The following LUC7L2 variants were observed in gnomAD, a reference collection of about 807,000 sequenced individuals.
The protein encoded by LUC7L2 is LUC7 like 2, pre-mRNA splicing factor, also known as putative RNA-binding protein Luc7-like 2.
A neutral mutation model predicts 52.8 loss-of-function variants in LUC7L2; 25 were observed. That is an observed-to-expected ratio of 0.47 (90% confidence interval 0.34 to 0.66). The LOEUF is 0.66. LUC7L2 is among the 30% of genes least tolerant of loss of function. The pLI, the probability that LUC7L2 is intolerant of heterozygous loss-of-function variation, is 0.01. For synonymous variants in LUC7L2, 144 were observed against 160.9 expected (o/e 0.89, Z 0.80); for missense variants, 328 against 497.8 (o/e 0.66, Z 3.25).
intron 2 of LUC7L2, among the ~76,000 whole-genome samples, chr7:139,397,439 T>A (rs560902282): frequency 1.5e-4 from 23 of 152,216 alleles, no homozygotes; most frequent in Non-Finnish European, 3.2e-4. Flanking sequence ...GTAAGCTCCA[T>A]GAAGTCAGAC....
chr7:139,402,176 C>T lies in LUC7L2; in HGVS notation c.295C>T (p.Arg99Cys), dbSNP rs1443837151. The T allele has an allele frequency of 1.9e-6, 3 of 1,608,330 alleles. No homozygotes were observed. The highest frequency in any genetic ancestry group is 2.5e-6 in the Non-Finnish European group (3 of 1,177,852). Residue 99 changes from arginine to cysteine, a missense_variant, in exon 4 of 10, where the codon CGT becomes TGT. Transcript: ENST00000354926. ...GCAGTCATTCATTGCAGATTGTGAT[C>T]GTAGAACAGAAGTGGCCAAGAAAAG... ...HLQSFIADCD[R>C]RTEVAKKRLA... is the part of the protein sequence containing the mutation.
At chr7:139,410,077 G>A (rs1795289706) in intron 7 of LUC7L2, among the ~76,000 whole-genome samples, 1 of 152,070 alleles carries the variant, frequency 6.6e-6, no homozygotes, top group Non-Finnish European at 1.5e-5. Flanking sequence ...CGAGGTGGCG[G>A]GCGCCTGTAG....
At chr7:139,375,059 A>T in intron 1 of LUC7L2, 1 of 983,690 alleles carries the variant, frequency 1.0e-6, no homozygotes, top group Non-Finnish European at 1.2e-6. Context: ...AGGCTAAAAT[A>T]AAACACCTAC....
At chr7:139,363,182 G>C in intron 1 of LUC7L2, 1 of 985,162 alleles carries the variant, frequency 1.0e-6, no homozygotes, top group Non-Finnish European at 1.2e-6. Context: ...CTAGGGCCCT[G>C]GTGGTGGCAA....
chr7:139,402,622 G>A (rs1216692989), intron 4 of LUC7L2, among the ~76,000 whole-genome samples: 1 of 152,134 alleles, frequency 6.6e-6, no homozygotes, highest in Non-Finnish European at 1.5e-5. Context: ...TGCCTTCTGG[G>A]CTCAAGTCTC....
In LUC7L2 at chr7:139,353,682, A is replaced by T. The variant is rs190679211; in HGVS notation, c.-26+13165A>T. On this transcript the variant is annotated intron_variant, in intron 1 of 10. Transcript: ENST00000541170. ...GTGGCAGGCTCCTGTAGTCCCAGCT[A>T]CTCAGAAGGCCGAGGCAGGAGAATC... Among the ~76,000 whole-genome samples the T allele has an allele frequency of 3.3e-4, 50 of 152,232 alleles. No homozygotes were observed. The East Asian group carries it at 5.8e-3, about 18-fold the overall frequency.
Position 139,412,185 on chromosome 7 carries a change from A to G in LUC7L2, c.780-366A>G, listed in dbSNP as rs773228533. 2.7e-4 allele frequency among the ~76,000 whole-genome samples: 41 copies of G among 151,964 alleles called. 1 individual carries two copies. Among genetic ancestry groups the G allele is most frequent in the Non-Finnish European group, 4.4e-4 (30 of 67,968 alleles). On this transcript the variant is annotated intron_variant, in intron 7 of 9. Coordinates refer to ENST00000354926, the MANE Select transcript of LUC7L2 (RefSeq NM_016019.5). ...TGGATCATTTGCATCCAGGAGTTCA[A>G]GACCACCCTAGGCAACAAAAAATGT...
chr7:139,351,130 A>G (rs937637798), intron 1 of LUC7L2, among the ~76,000 whole-genome samples: 16 of 152,088 alleles, frequency 1.1e-4, no homozygotes, highest in African/African-American at 3.4e-4. Context: ...CATGACTTCA[A>G]TTATTCTCAA....
At chr7:139,407,133 G>C in intron 5 of LUC7L2, 41 bp from the exon 6 acceptor site, 1 of 1,518,828 alleles carries the variant, frequency 6.6e-7, no homozygotes, top group Non-Finnish European at 8.9e-7. Flanking sequence ...ATGACTTTTA[G>C]TGAGATTTAT....
chr7:139,371,173 T>C lies in LUC7L2; in HGVS notation c.62-4889T>C, dbSNP rs184921279. ...ACATGGGAGTGTCTCCATTGCTTTG[T>C]ATGCTGTTGCATTCTCCTCCCTCCT... On this transcript the variant is annotated intron_variant, in intron 1 of 9. Transcript: ENST00000354926. Among the ~76,000 whole-genome samples, 16 of 152,318 alleles carry C rather than the reference T, an allele frequency of 1.1e-4. No individual in the cohort carries two copies. The East Asian group carries it at 3.1e-3, about 29-fold the overall frequency.
At chr7:139,401,440 A>T (rs527852216) in intron 3 of LUC7L2, among the ~76,000 whole-genome samples, 1 of 152,194 alleles carries the variant, frequency 6.6e-6, no homozygotes, top group East Asian at 1.9e-4. Flanking sequence ...ATGAATCCTG[A>T]ACATTTCTTC....
intron 2 of LUC7L2, among the ~76,000 whole-genome samples, chr7:139,391,040 A>AT (rs1379630540): frequency 6.6e-6 from 1 of 152,028 alleles, no homozygotes; most frequent in African/African-American, 2.4e-5. Flanking sequence ...TATTGTTTGA[A>AT]TTTTTTTCAC....
At chr7:139,350,593 A>G (rs1434929173) in intron 1 of LUC7L2, among the ~76,000 whole-genome samples, 2 of 151,080 alleles carry the variant, frequency 1.3e-5, no homozygotes, top group African/African-American at 4.9e-5. Flanking sequence ...GATCTTAGTT[A>G]TTTTTTATCT....
At chr7:139,342,523 T>A (rs1393645089) in intron 1 of LUC7L2, among the ~76,000 whole-genome samples, 1 of 152,136 alleles carries the variant, frequency 6.6e-6, no homozygotes, top group African/African-American at 2.4e-5. Context: ...GTAAGTGTAA[T>A]GGGAAGCCAT....
At chr7:139,357,587 T>C (rs777334459), upstream of LUC7L2, among the ~76,000 whole-genome samples, 5 of 152,188 alleles carry the variant, frequency 3.3e-5, no homozygotes, top group African/African-American at 1.2e-4. Context: ...TTATTATAAA[T>C]CAGTTCCCAA....
chr7:139,385,647 A>G (rs1447516668), intron 2 of LUC7L2, among the ~76,000 whole-genome samples: 2 of 152,200 alleles, frequency 1.3e-5, no homozygotes, highest in Non-Finnish European at 2.9e-5. Flanking sequence ...AATTAAAGAA[A>G]GTAGTAAAAA....
chr7:139,384,751 AT>A (rs1321792921), intron 2 of LUC7L2, among the ~76,000 whole-genome samples: 3 of 151,240 alleles, frequency 2.0e-5, no homozygotes, highest in Admixed American at 6.6e-5. Context: ...CTGAATAATA[AT>A]TTTTTTTAAG....
chr7:139,395,599 A>G (rs1794625208), intron 2 of LUC7L2, among the ~76,000 whole-genome samples: 1 of 152,170 alleles, frequency 6.6e-6, no homozygotes, highest in Non-Finnish European at 1.5e-5. Flanking sequence ...CCATTATATA[A>G]TTAAGAACTG....
At position 139,417,656 on chromosome 7, in the gene LUC7L2, C is replaced by T. The variant is rs753016350; in HGVS notation, c.928C>T (p.Arg310Cys). 7.4e-6 allele frequency: 12 copies of T among 1,613,928 alleles called. No individual in the cohort carries two copies. Among genetic ancestry groups the T allele is most frequent in the East Asian group, 2.2e-5 (1 of 44,864 alleles). ...RHRHRSRSSSRSRSRSHQRSR... is the reference protein window; with the variant it reads ...RHRHRSRSSSCSRSRSHQRSR... The stretch of plus-strand genomic sequence containing the variant: ...TCGCCACAGGTCCCGCTCCAGCAGC[C>T]GTAGCCGCAGCCGTAGCCACCAGAG... The change falls in exon 9 of 10, where the codon CGT (arginine) becomes TGT (cysteine). Residue 310 changes from arginine to cysteine, a missense_variant. By Grantham distance (180) the Arg-to-Cys change is radical (BLOSUM62 -3). Around this residue, in one of 2 missense-constraint regions of LUC7L2, gnomAD observed 195 missense variants for 223.3 expected, o/e 0.87. Transcript: ENST00000354926.
Sources: gnomAD v4.1 joint callset for allele counts (sites outside exome capture counted in the v4.1 genomes callset) on GRCh38, gnomAD v4.1.1 for gene constraint, gnomAD v4.1.1 regional missense constraint, MANE v1.5 for transcripts, NCBI Gene and HGNC (gene_info 2026-07-23, HGNC 2026-07-21) for gene names.